Variants in LGSN observed in about 807,000 individuals in gnomAD.
LGSN encodes the protein lengsin.
A neutral mutation model predicts 19.5 loss-of-function variants in LGSN; 21 were observed. That is an observed-to-expected ratio of 1.07 (90% CI 0.76 to 1.55). The LOEUF (loss-of-function observed/expected upper bound fraction) is 1.55. Among genes scored for constraint, LGSN ranks in the 40% most tolerant of loss-of-function variants. The pLI is 0.00. For synonymous variants in LGSN, 257 were observed against 215.6 expected, an observed-to-expected ratio of 1.19 and a Z score of -1.68; for missense variants, 673 against 608.5, an observed-to-expected ratio of 1.11 and a Z score of -1.12.
chr6:63,547,802 C>T, the LGSN span, among the ~76,000 whole-genome samples: 1 of 152,034 alleles, frequency 6.6e-6, no homozygotes, highest in Non-Finnish European at 1.5e-5. Context: ...TGAGCCACTG[C>T]GCCCGGCCCA....
At chr6:63,414,158 T>C in the LGSN span, among the ~76,000 whole-genome samples, 1 of 152,196 alleles carries the variant, frequency 6.6e-6, no homozygotes, top group African/African-American at 2.4e-5. Flanking sequence ...AATTTTGTTT[T>C]GTTTTGTTTT....
chr6:63,324,769 C>T (rs1399203059), upstream of LGSN, among the ~76,000 whole-genome samples: 1 of 151,366 alleles, frequency 6.6e-6, no homozygotes, highest in Non-Finnish European at 1.5e-5. Flanking sequence ...ACAGCAAAAG[C>T]TCTGCTAAGA....
At chr6:63,336,677 G>A in the LGSN span, among the ~76,000 whole-genome samples, 1 of 151,512 alleles carries the variant, frequency 6.6e-6, no homozygotes, top group African/African-American at 2.4e-5. Flanking sequence ...CCAGGCTGGA[G>A]TGCAGTGGCA....
chr6:63,412,718 G>GAAA, the LGSN span, among the ~76,000 whole-genome samples: 4 of 54,750 alleles, frequency 7.3e-5, no homozygotes, highest in African/African-American at 1.4e-4. Context: ...AGGGAAGGAA[G>GAAA]GAAAGAAAGA....
intron 3 of LGSN, among the ~76,000 whole-genome samples, chr6:63,284,308 C>T (rs1338201805): frequency 6.6e-6 from 1 of 151,924 alleles, no homozygotes; most frequent in African/African-American, 2.4e-5. Context: ...TTTTCTCTAG[C>T]TAAACTCAAG....
the LGSN span, among the ~76,000 whole-genome samples, chr6:63,327,186 T>C: frequency 3.9e-5 from 6 of 152,192 alleles, no homozygotes; most frequent in African/African-American, 1.4e-4. Flanking sequence ...CCAGGGGTCC[T>C]CAGTAGAAGT....
At chr6:63,357,346 C>T in the LGSN span, among the ~76,000 whole-genome samples, 4 of 152,118 alleles carry the variant, frequency 2.6e-5, no homozygotes, top group South Asian at 8.3e-4. Context: ...GGGTGTATAC[C>T]CAGTAATGGG....
At chr6:63,375,598 A>G in the LGSN span, among the ~76,000 whole-genome samples, 2 of 152,068 alleles carry the variant, frequency 1.3e-5, no homozygotes, top group Admixed American at 6.6e-5. Flanking sequence ...CTCACCATCT[A>G]CTTTATTAGT....
chr6:63,518,574 GAA>G, the LGSN span, among the ~76,000 whole-genome samples: 2 of 152,102 alleles, frequency 1.3e-5, no homozygotes, highest in African/African-American at 4.8e-5. Flanking sequence ...GTATTTTACA[GAA>G]AAAGAAATGT....
At chr6:63,361,972 C>T in the LGSN span, among the ~76,000 whole-genome samples, 2 of 152,108 alleles carry the variant, frequency 1.3e-5, no homozygotes, top group African/African-American at 4.8e-5. Flanking sequence ...GCTCCTGAAA[C>T]ATAGCAATGG....
intron 2 of LGSN, among the ~76,000 whole-genome samples, chr6:63,294,674 T>C (rs778684738): frequency 1.3e-5 from 2 of 152,156 alleles, no homozygotes; most frequent in African/African-American, 2.4e-5. Flanking sequence ...CTTTTTTTTT[T>C]CTACTACTGT....
chr6:63,521,463 G>C, the LGSN span, among the ~76,000 whole-genome samples: 4 of 152,080 alleles, frequency 2.6e-5, no homozygotes, highest in Admixed American at 1.3e-4. Context: ...CACACCAAAG[G>C]AGCTAATTAC....
At chr6:63,282,066 A>G (rs1451043023) in intron 3 of LGSN, among the ~76,000 whole-genome samples, 2 of 152,200 alleles carry the variant, frequency 1.3e-5, no homozygotes, top group Admixed American at 1.3e-4. Flanking sequence ...CTGCTAAGGT[A>G]CTTTCTAGCC....
the LGSN span, among the ~76,000 whole-genome samples, chr6:63,352,176 A>G: frequency 2.6e-5 from 4 of 152,246 alleles, no homozygotes; most frequent in African/African-American, 9.6e-5. Flanking sequence ...ATCTACACAG[A>G]CTTGTTTTAG....
At chr6:63,441,769 A>G in the LGSN span, 1 of 360,656 alleles carries the variant, frequency 2.8e-6, no homozygotes, top group African/African-American at 2.2e-5. Flanking sequence ...CCTGCAAGCC[A>G]CTCCCCCGGA....
chr6:63,421,530 C>A, the LGSN span, among the ~76,000 whole-genome samples: 1 of 152,080 alleles, frequency 6.6e-6, no homozygotes, highest in African/African-American at 2.4e-5. Context: ...GAAATCGAGG[C>A]CATCCTGACC....
At chr6:63,557,417 T>C in the LGSN span, among the ~76,000 whole-genome samples, 1 of 151,728 alleles carries the variant, frequency 6.6e-6, no homozygotes. Context: ...AATACAAAAA[T>C]TATCTGGTGT....
At chr6:63,518,368 C>T in the LGSN span, among the ~76,000 whole-genome samples, 10 of 151,994 alleles carry the variant, frequency 6.6e-5, no homozygotes, top group African/African-American at 2.4e-4. Context: ...TCTTGAGGTC[C>T]TGGCAGAAAA....
chr6:63,528,248 G>A, the LGSN span, among the ~76,000 whole-genome samples: 56 of 152,300 alleles, frequency 3.7e-4, no homozygotes, highest in African/African-American at 1.3e-3. Flanking sequence ...GACAGCCATG[G>A]TGTAGATGAC....
Sources: gnomAD v4.1 joint callset for allele counts (sites outside exome capture counted in the v4.1 genomes callset) on GRCh38, gnomAD v4.1.1 for gene constraint, MANE v1.5 for transcripts, NCBI Gene and HGNC (gene_info 2026-07-23, HGNC 2026-07-21) for gene names.